RFNG: variants seen among roughly 807,000 people sequenced by gnomAD.
The protein encoded by RFNG is RFNG O-fucosylpeptide 3-beta-N-acetylglucosaminyltransferase.
In RFNG, 37 loss-of-function variants were observed where a neutral mutation model predicts 29.6. The observed-to-expected ratio is 1.25, with a 90% CI of 0.96 to 1.65. The LOEUF (loss-of-function observed/expected upper bound fraction) is 1.65, where lower values mean the gene tolerates loss of function less well. RFNG is among the 40% of genes most tolerant of loss of function. The pLI is 0.00. For missense variants in RFNG, 546 were observed against 457.0 expected, an observed-to-expected ratio of 1.19 and a Z score of -1.78; for synonymous variants, 276 against 197.3, an observed-to-expected ratio of 1.40 and a Z score of -3.34.
In RFNG at chr17:82,049,985, A is replaced by T; in HGVS notation, c.595T>A (p.Phe199Ile). ...GRTVTTVKFW[F>I]ATGGAGFCLS... is the part of the protein sequence containing the mutation. The stretch of plus-strand genomic sequence containing the variant: ...CAGAACCCGGCCCCACCAGTAGCAA[A>T]CCAGAACTTGACCGTGGTCACCTGA... The change falls in exon 5 of 8, where the codon TTT (phenylalanine) becomes ATT (isoleucine). Residue 199 changes from phenylalanine (F) to isoleucine (I), a missense_variant. Physicochemically the swap from Phe to Ile is conservative, Grantham distance 21 (BLOSUM62 0). Coordinates refer to ENST00000310496, the MANE Select transcript of RFNG (RefSeq NM_002917.2). The T allele has an allele frequency of 1.2e-6, 2 of 1,612,094 alleles. No individual in the cohort carries two copies. Among genetic ancestry groups the T allele is most frequent in the Non-Finnish European group, 1.7e-6 (2 of 1,179,480 alleles).
chr17:82,049,375 T>G, intron 6 of RFNG: 1 of 698,426 alleles, frequency 1.4e-6, no homozygotes, highest in Non-Finnish European at 2.6e-6. Flanking sequence ...CTCCACGTGA[T>G]GGGACCTGTT....
In RFNG at chr17:82,049,631, C is replaced by A. The variant is rs769284276; in HGVS notation, c.828+46G>T. ...AGTGGGGCCCCTGGGGGAGTCAGGGCGGGGCAAAGCCCAGGTGGCAGAGGC... is the reference window on the plus strand; with the variant it reads ...AGTGGGGCCCCTGGGGGAGTCAGGGAGGGGCAAAGCCCAGGTGGCAGAGGC... On this transcript the variant is annotated intron_variant, in intron 6 of 7. Transcript: ENST00000310496. 6 of 1,460,848 alleles carry A rather than the reference C, an allele frequency of 4.1e-6. No individual in the cohort carries two copies. In the African/African-American group the frequency reaches 5.7e-5, roughly 14 times the overall value. The allele number at this position is 1,460,848 out of a possible 1,614,324, so 90.5% of individuals were successfully genotyped here. A position where few individuals can be genotyped will look rare whatever the true frequency, so the allele number is the denominator to read the frequency against.
At chr17:82,050,348 C>T (rs2030297274) in intron 4 of RFNG, 54 bp downstream of exon 4, 17 of 1,516,884 alleles carry the variant, frequency 1.1e-5, no homozygotes, top group South Asian at 1.3e-5. Flanking sequence ...CTGTGCCTCC[C>T]GGGCTGGTGT....
Position 82,050,559 on chromosome 17 carries a change from T to C in RFNG, c.420-4A>G. On this transcript the variant is annotated splice_region_variant and splice_polypyrimidine_tract_variant and intron_variant, in intron 3 of 7. Transcript: ENST00000310496. The stretch of plus-strand genomic sequence containing the variant: ...ATCATCCACGTGGCAAAACCACCTG[T>C]GGGCGAGGGGAGTCCTGGGCACGAG... 1 of 1,610,526 alleles carries C rather than the reference T, an allele frequency of 6.2e-7. No homozygotes were observed. The highest frequency in any genetic ancestry group is 8.5e-7 in the Non-Finnish European group (1 of 1,178,186).
chr17:82,050,679 G>C lies in RFNG; in HGVS notation c.402C>G (p.Phe134Leu). 6.2e-7 allele frequency: 1 copy of C among 1,613,244 alleles called. No individual in the cohort carries two copies. The highest frequency in any genetic ancestry group is 8.5e-7 in the Non-Finnish European group (1 of 1,179,946). ...CCGCGTACTTGCGCCCGGACTCAAT[G>C]AACTTGTCATACTCCACGGACATCT... ...CCKMSVEYDK[F>L]IESGRKWFCH... Residue 134 changes from phenylalanine (F) to leucine (L), a missense_variant, in exon 3 of 8, where the codon TTC becomes TTG. Transcript: ENST00000310496.
chr17:82,050,647 G>A lies in RFNG; in HGVS notation c.419+15C>T. On this transcript the variant is annotated intron_variant, in intron 3 of 7. Coordinates refer to ENST00000310496, the MANE Select transcript of RFNG (RefSeq NM_002917.2). The stretch of plus-strand genomic sequence containing the variant: ...TGGCTCTGAGCTCTCTGCGGGTCGG[G>A]TCAGCGCCGCGTACTTGCGCCCGGA... 1 of 1,612,392 alleles carries A rather than the reference G, an allele frequency of 6.2e-7. No individual in the cohort carries two copies. The highest frequency in any genetic ancestry group is 1.3e-5 in the African/African-American group (1 of 75,064).
chr17:82,048,936 CGG>C, intron 7 of RFNG, 93 bp downstream of exon 7: 18 of 1,450,884 alleles, frequency 1.2e-5, no homozygotes, highest in Non-Finnish European at 1.6e-5. Context: ...GGGCCGTGGG[CGG>C]AGGGAGCAGC....
chr17:82,050,793 G>A (rs774280713), intron 2 of RFNG, 29 bp from the exon 3 acceptor site: 33 of 1,604,562 alleles, frequency 2.1e-5, no homozygotes, highest in Non-Finnish European at 2.6e-5. Context: ...AAGCACGCAC[G>A]TAGAGGATGG....
At position 82,050,729 on chromosome 17, in the gene RFNG, G is replaced by C; in HGVS notation, c.352C>G (p.Arg118Gly). 6.2e-7 allele frequency: 1 copy of C among 1,613,142 alleles called. No homozygotes were observed. The highest frequency in any genetic ancestry group is 1.1e-5 in the South Asian group (1 of 91,086). ...RVINTNCSAV[R>G]TRQALCCKMS... is the part of the protein sequence containing the mutation. ...TTGCAGCAGAGGGCCTGACGAGTGC[G>C]CACCGCCGAGCAGTTGGTGTTGATG... The change falls in exon 3 of 8, where the codon CGC becomes GGC. Residue 118 changes from arginine (R) to glycine (G), a missense_variant. Coordinates refer to ENST00000310496, the MANE Select transcript of RFNG (RefSeq NM_002917.2).
intron 4 of RFNG, 93 bp from the exon 5 acceptor site, chr17:82,050,099 C>G: frequency 1.8e-6 from 2 of 1,123,608 alleles, no homozygotes; most frequent in Non-Finnish European, 2.6e-6. Flanking sequence ...TTAAGCTGCC[C>G]CTTAGGAGAT....
Position 82,049,367 on chromosome 17 carries a change from C to T in RFNG, c.829-251G>A, listed in dbSNP as rs114085805. On this transcript the variant is annotated intron_variant, in intron 6 of 7. Transcript: ENST00000310496. ...AGCTGACCCTCATTCCCTCCCTGCT[C>T]CACGTGATGGGACCTGTTCCGACTC... 5,223 of 698,776 alleles carry T rather than the reference C, an allele frequency of 7.5e-3. 204 individuals carry two copies. The African/African-American group carries it at 0.082, about 11-fold the overall frequency. The allele number at this position is 698,776 out of a possible 1,614,324, so 43.3% of individuals were successfully genotyped here. A position where few individuals can be genotyped will look rare whatever the true frequency, so the allele number is the denominator to read the frequency against.
In RFNG at chr17:82,051,092, G is replaced by A. The variant is rs904883680; in HGVS notation, c.316+202C>T. On this transcript the variant is annotated intron_variant, in intron 2 of 7. Coordinates refer to ENST00000310496, the MANE Select transcript of RFNG (RefSeq NM_002917.2). The surrounding 1 kb of genome is among the most constrained non-coding windows in gnomAD (Gnocchi z 4.1). Reference sequence around the variant, plus strand: ...CCCCACGCCCCGGGAAGCGGCTAGTGTGAGAGGCTGGTGGGGAGCAGAGCT... The same window carrying A: ...CCCCACGCCCCGGGAAGCGGCTAGTATGAGAGGCTGGTGGGGAGCAGAGCT... 118 of 1,367,122 alleles carry A rather than the reference G, an allele frequency of 8.6e-5. No individual in the cohort carries two copies. The highest frequency in any genetic ancestry group is 1.0e-4 in the Non-Finnish European group (109 of 1,065,882). The allele number at this position is 1,367,122 out of a possible 1,614,324, so 84.7% of individuals were successfully genotyped here. A position where few individuals can be genotyped will look rare whatever the true frequency, so the allele number is the denominator to read the frequency against.
Position 82,051,359 on chromosome 17 carries a change from CTA to C in RFNG, c.268-19_268-18del, listed in dbSNP as rs771177423. The C allele has an allele frequency of 5.5e-6, 8 of 1,464,840 alleles. 1 individual carries two copies. In the Admixed American group the frequency reaches 1.9e-4, roughly 34 times the overall value. 90.7% of individuals were successfully genotyped at this position (1,464,840 alleles called of 1,614,324 possible). On this transcript the variant is annotated intron_variant, in intron 1 of 7. Coordinates refer to ENST00000310496, the MANE Select transcript of RFNG (RefSeq NM_002917.2). This position sits in a 1 kb window ranked among gnomAD's most constrained non-coding sequence, Gnocchi z 4.1. ...GATAAACGTCTGGGGGAGAAACAATCTATGAGGCTTCTGGGGCGCTGCCCAGG... is the reference window on the plus strand; with the variant it reads ...GATAAACGTCTGGGGGAGAAACAATCTGAGGCTTCTGGGGCGCTGCCCAGG...
Position 82,051,083 on chromosome 17 carries a change from G to C in RFNG, c.316+211C>G. 7.3e-7 allele frequency: 1 copy of C among 1,369,598 alleles called. No individual in the cohort carries two copies. The highest frequency in any genetic ancestry group is 2.8e-5 in the East Asian group (1 of 35,728). 84.8% of individuals were successfully genotyped at this position (1,369,598 alleles called of 1,614,324 possible). On this transcript the variant is annotated intron_variant, in intron 2 of 7. Transcript: ENST00000310496. The surrounding 1 kb of genome is among the most constrained non-coding windows in gnomAD (Gnocchi z 4.1). Reference sequence around the variant, plus strand: ...TGGCACTAGCCCCACGCCCCGGGAAGCGGCTAGTGTGAGAGGCTGGTGGGG... The same window carrying C: ...TGGCACTAGCCCCACGCCCCGGGAACCGGCTAGTGTGAGAGGCTGGTGGGG...
At chr17:82,049,139 G>A in intron 6 of RFNG, 23 bp from the exon 7 acceptor site, 1 of 1,602,042 alleles carries the variant, frequency 6.2e-7, no homozygotes, top group Non-Finnish European at 8.5e-7. Flanking sequence ...GGTGTGGGCA[G>A]AGTGTGTGGC....
rs200202089 is a variant in RFNG at position 82,048,825 on chromosome 17, A to G, written c.915-18T>C. 123 of 1,602,492 alleles carry G rather than the reference A, an allele frequency of 7.7e-5. No individual in the cohort carries two copies. The highest frequency in any genetic ancestry group is 1.1e-5 in the South Asian group (1 of 90,810). ...ACTTAAACCTGGGGAAGGAAGAAGT[A>G]GGGGTCAGGGCCGTGGGCGGAGAGA... On this transcript the variant is annotated intron_variant, in intron 7 of 7. Coordinates refer to ENST00000310496, the MANE Select transcript of RFNG (RefSeq NM_002917.2).
At chr17:82,049,278 G>A (rs2030111925) in intron 6 of RFNG, 162 bp from the exon 7 acceptor site, 2 of 715,792 alleles carry the variant, frequency 2.8e-6, no homozygotes, top group Non-Finnish European at 2.5e-6. Context: ...CATGAGCTGA[G>A]TAGGGGGACA....
At chr17:82,050,376 C>G in intron 4 of RFNG, 26 bp downstream of exon 4, 1 of 1,543,104 alleles carries the variant, frequency 6.5e-7, no homozygotes, top group East Asian at 2.2e-5. Context: ...GGCGTCTGCT[C>G]CGATGGCGTC....
rs769872743 is a variant in RFNG, at chr17:82,051,328, G to A, written c.282C>T (p.Thr94=). ...GCTCGAGCTCAGGGTCGTCCCCGTC[G>A]GTGAAGATAAACGTCTGGGGGAGAA... is the stretch of plus-strand genomic sequence containing the variant. The part of the protein sequence containing the change: ...SRARQQTFIF[T]DGDDPELELQ... Residue 94 remains threonine, a synonymous_variant, in exon 2 of 8, where the codon ACC becomes ACT. Transcript: ENST00000310496. This position sits in a 1 kb window ranked among gnomAD's most constrained non-coding sequence, Gnocchi z 4.1. 5 of 1,453,548 alleles carry A rather than the reference G, an allele frequency of 3.4e-6. No individual in the cohort carries two copies. Among genetic ancestry groups the A allele is most frequent in the East Asian group, 2.8e-5 (1 of 36,212 alleles). 90.0% of individuals were successfully genotyped at this position (1,453,548 alleles called of 1,614,324 possible).
Sources: gnomAD v4.1 joint callset for allele counts on GRCh38, gnomAD v4.1.1 for gene constraint, Gnocchi (gnomAD v3.1) non-coding constraint, MANE v1.5 for transcripts, NCBI Gene and HGNC (gene_info 2026-07-23, HGNC 2026-07-21) for gene names.